Variants in ATOSA observed in about 807,000 individuals in gnomAD.
The protein encoded by ATOSA is atos homolog protein A.
the ATOSA span, among the ~76,000 whole-genome samples, chr15:52,700,343 A>G: frequency 6.6e-6 from 1 of 152,224 alleles, no homozygotes; most frequent in African/African-American, 2.4e-5. Flanking sequence ...TGTAATATAT[A>G]ACCCACAGTG....
the ATOSA span, among the ~76,000 whole-genome samples, chr15:52,601,638 G>T: frequency 2.0e-5 from 3 of 151,862 alleles, no homozygotes; most frequent in African/African-American, 7.3e-5. Flanking sequence ...GCATCCTAAT[G>T]CTTTACAGAG....
chr15:52,634,509 T>C, the ATOSA span, among the ~76,000 whole-genome samples: 1 of 151,562 alleles, frequency 6.6e-6, no homozygotes, highest in Non-Finnish European at 1.5e-5. Context: ...GGTATAAGCA[T>C]CTTATTAAAA....
the ATOSA span, among the ~76,000 whole-genome samples, chr15:52,706,789 G>A: frequency 1.3e-5 from 2 of 152,156 alleles, no homozygotes; most frequent in African/African-American, 2.4e-5. Context: ...ATCATGCCAA[G>A]TACAAGAAGC....
chr15:52,606,982 A>G, the ATOSA span, among the ~76,000 whole-genome samples: 1 of 152,230 alleles, frequency 6.6e-6, no homozygotes, highest in African/African-American at 2.4e-5. Flanking sequence ...GTGGTTTGGT[A>G]GGAAATCAAA....
At chr15:52,650,354 G>A in the ATOSA span, among the ~76,000 whole-genome samples, 1 of 152,210 alleles carries the variant, frequency 6.6e-6, no homozygotes, top group East Asian at 1.9e-4. Context: ...TCAAATTCAA[G>A]TTTTTGGCTG....
chr15:52,668,024 G>A, the ATOSA span, among the ~76,000 whole-genome samples: 1 of 152,192 alleles, frequency 6.6e-6, no homozygotes, highest in African/African-American at 2.4e-5. Context: ...ATCAGAGACA[G>A]AACTACCATA....
the ATOSA span, among the ~76,000 whole-genome samples, chr15:52,671,018 C>G: frequency 6.6e-6 from 1 of 152,264 alleles, no homozygotes; most frequent in Admixed American, 6.5e-5. Flanking sequence ...CCAATTTGAA[C>G]ATACAGACAT....
the ATOSA span, among the ~76,000 whole-genome samples, chr15:52,651,703 G>A: frequency 6.6e-6 from 1 of 152,104 alleles, no homozygotes; most frequent in Non-Finnish European, 1.5e-5. Flanking sequence ...CAGGCTATAT[G>A]AAGCTAAAGA....
the ATOSA span, chr15:52,651,991 G>T: frequency 6.5e-7 from 1 of 1,528,154 alleles, no homozygotes; most frequent in Non-Finnish European, 8.7e-7. Context: ...TGTCTGCAGC[G>T]GTTAAAACAA....
the ATOSA span, among the ~76,000 whole-genome samples, chr15:52,639,083 C>CAA: frequency 2.9e-4 from 24 of 82,712 alleles, no homozygotes; most frequent in South Asian, 3.0e-3. Flanking sequence ...GTCCCAAGAG[C>CAA]AAAAAAAAAA....
chr15:52,587,267 A>C, the ATOSA span: 1 of 1,454,490 alleles, frequency 6.9e-7, no homozygotes, highest in Non-Finnish European at 9.4e-7. Flanking sequence ...GCATATGTAC[A>C]TAAAAGACTA....
chr15:52,597,443 A>T, the ATOSA span, among the ~76,000 whole-genome samples: 1 of 152,228 alleles, frequency 6.6e-6, no homozygotes, highest in Non-Finnish European at 1.5e-5. Flanking sequence ...ATAAAAACGA[A>T]TGAACTCTTG....
chr15:52,665,328 T>C, the ATOSA span, among the ~76,000 whole-genome samples: 12 of 152,312 alleles, frequency 7.9e-5, no homozygotes, highest in South Asian at 2.5e-3. Flanking sequence ...GGGCATATAA[T>C]GTTGGAGAAT....
At chr15:52,594,023 G>C in the ATOSA span, among the ~76,000 whole-genome samples, 1 of 152,102 alleles carries the variant, frequency 6.6e-6, no homozygotes, top group Non-Finnish European at 1.5e-5. Context: ...TGCAACTTCA[G>C]CATTAGTTAG....
the ATOSA span, among the ~76,000 whole-genome samples, chr15:52,598,170 TATAG>T: frequency 6.6e-6 from 1 of 152,018 alleles, no homozygotes; most frequent in Non-Finnish European, 1.5e-5. Context: ...TGTAGATATA[TATAG>T]ATACTTACAT....
the ATOSA span, among the ~76,000 whole-genome samples, chr15:52,624,676 G>A: frequency 1.4e-4 from 21 of 152,108 alleles, no homozygotes; most frequent in African/African-American, 4.1e-4. Context: ...TTCTTAACAT[G>A]CTATGGATGT....
chr15:52,590,977 G>C, the ATOSA span, among the ~76,000 whole-genome samples: 2 of 152,146 alleles, frequency 1.3e-5, no homozygotes, highest in Admixed American at 6.5e-5. Flanking sequence ...AATCATCTGC[G>C]TGTACATCTC....
At chr15:52,614,544 G>C in the ATOSA span, among the ~76,000 whole-genome samples, 1 of 151,706 alleles carries the variant, frequency 6.6e-6, no homozygotes, top group Non-Finnish European at 1.5e-5. Flanking sequence ...TAACTTTATA[G>C]CCTATAATAA....
the ATOSA span, chr15:52,679,395 G>A: frequency 6.6e-6 from 1 of 152,546 alleles, no homozygotes; most frequent in East Asian, 1.9e-4. Context: ...CACTGCCTAG[G>A]TCACGTGTCC....
Sources: allele counts gnomAD v4.1 joint callset (sites outside exome capture counted in the v4.1 genomes callset), GRCh38; gene constraint gnomAD v4.1.1; transcripts MANE v1.5; gene names NCBI Gene and HGNC (gene_info 2026-07-23, HGNC 2026-07-21).